OR51B5: variants seen among roughly 807,000 people sequenced by gnomAD.
OR51B5 encodes olfactory receptor 51B5.
For synonymous variants in OR51B5, 186 were observed against 144.8 expected (o/e 1.28, Z -2.04); for missense variants, 456 against 374.6 (o/e 1.22, Z -1.79).
chr11:5,466,204 T>C (rs1851136832), intron 1 of OR51B5, among the ~76,000 whole-genome samples: 1 of 152,242 alleles, frequency 6.6e-6, no homozygotes, highest in South Asian at 2.1e-4. Context: ...ATTACCAGTT[T>C]GAACAAATAT....
chr11:5,490,373 G>A (rs757297946), intron 1 of OR51B5, among the ~76,000 whole-genome samples: 4 of 152,100 alleles, frequency 2.6e-5, no homozygotes, highest in Non-Finnish European at 4.4e-5. Flanking sequence ...GGGTTATTGT[G>A]ATAACAATTC....
chr11:5,478,562 T>C (rs1018336993), intron 1 of OR51B5, among the ~76,000 whole-genome samples: 3 of 150,396 alleles, frequency 2.0e-5, no homozygotes, highest in Middle Eastern at 3.4e-3. Context: ...CAAATTACTC[T>C]GAGCTACGGG....
At chr11:5,431,074 G>A (rs1002340338) in intron 1 of OR51B5, 1 of 448,996 alleles carries the variant, frequency 2.2e-6, no homozygotes, top group South Asian at 1.6e-5. Flanking sequence ...GTAGGAGTGT[G>A]AGAGGACATT....
intron 1 of OR51B5, chr11:5,354,996 G>A: frequency 6.2e-6 from 1 of 161,352 alleles, no homozygotes; most frequent in Non-Finnish European, 1.4e-5. Flanking sequence ...AAGGTGATGT[G>A]CTCTGGGAGG....
intron 1 of OR51B5, among the ~76,000 whole-genome samples, chr11:5,437,215 C>T (rs1201224758): frequency 1.3e-5 from 2 of 152,066 alleles, no homozygotes; most frequent in Non-Finnish European, 2.9e-5. Context: ...TAGCAACACC[C>T]CCCACAGTTA....
chr11:5,465,837 C>A (rs1261161173), intron 1 of OR51B5, among the ~76,000 whole-genome samples: 4 of 150,252 alleles, frequency 2.7e-5, no homozygotes, highest in African/African-American at 4.9e-5. Context: ...AAACGTTAGA[C>A]CTAAAACCAT....
chr11:5,365,187 G>A (rs78803409), intron 1 of OR51B5, among the ~76,000 whole-genome samples: 4,688 of 152,214 alleles, frequency 0.031, 238 homozygotes, highest in African/African-American at 0.11. Flanking sequence ...AGAGTGTAGG[G>A]CTGGCAACTG....
At chr11:5,486,787 C>T (rs1851505582) in intron 1 of OR51B5, among the ~76,000 whole-genome samples, 2 of 152,120 alleles carry the variant, frequency 1.3e-5, no homozygotes, top group South Asian at 4.1e-4. Context: ...TCTTTTGTCT[C>T]ATAACTTCCT....
At chr11:5,462,921 T>C (rs1851080745) in intron 1 of OR51B5, among the ~76,000 whole-genome samples, 1 of 152,190 alleles carries the variant, frequency 6.6e-6, no homozygotes. Flanking sequence ...TGAATTCTCA[T>C]CTTCCTAACA....
chr11:5,396,758 C>A (rs978072727), intron 1 of OR51B5, among the ~76,000 whole-genome samples: 2 of 151,840 alleles, frequency 1.3e-5, no homozygotes, highest in Non-Finnish European at 2.9e-5. Flanking sequence ...CAATCCTAAG[C>A]CAAAAGAACA....
At chr11:5,349,122 G>A (rs1012446692) in intron 1 of OR51B5, among the ~76,000 whole-genome samples, 9 of 152,126 alleles carry the variant, frequency 5.9e-5, no homozygotes, top group African/African-American at 1.9e-4. Flanking sequence ...GGAAGAGGGT[G>A]AATGGCTGCA....
chr11:5,488,177 C>A (rs1358655686), intron 1 of OR51B5, among the ~76,000 whole-genome samples: 1 of 152,076 alleles, frequency 6.6e-6, no homozygotes. Context: ...AGTTCTAACC[C>A]AGCAGAATTT....
In OR51B5 at chr11:5,441,103, G is replaced by C. The variant is rs143805800; in HGVS notation, n.84+64466C>G. On this transcript the variant is annotated intron_variant and non_coding_transcript_variant, in intron 1 of 4. Coordinates refer to the OR51B5 transcript ENST00000415970. ...ATAGCCAATATACGGTTGTGAGTGA[G>C]CACAGTGACATAGCGTAATGGATAA... 7.5e-5 allele frequency: 121 copies of C among 1,613,992 alleles called. No homozygotes were observed. In the African/African-American group the frequency reaches 1.3e-3, roughly 18 times the overall value.
intron 1 of OR51B5, among the ~76,000 whole-genome samples, chr11:5,395,467 T>C (rs974471254): frequency 6.6e-6 from 1 of 152,110 alleles, no homozygotes; most frequent in African/African-American, 2.4e-5. Context: ...AGATGGCCAA[T>C]CTGTTGTTAG....
upstream of OR51B5, among the ~76,000 whole-genome samples, chr11:5,344,440 G>A (rs1848959043): frequency 6.6e-6 from 1 of 151,922 alleles, no homozygotes; most frequent in African/African-American, 2.4e-5. Context: ...CCATCTTCCT[G>A]GTTTCCTTCC....
At chr11:5,396,690 T>C (rs1309248543) in intron 1 of OR51B5, among the ~76,000 whole-genome samples, 1 of 151,800 alleles carries the variant, frequency 6.6e-6, no homozygotes, top group Admixed American at 6.6e-5. Flanking sequence ...CTTCACAGAA[T>C]TGGAAAAAAC....
intron 1 of OR51B5, among the ~76,000 whole-genome samples, chr11:5,437,999 G>A (rs966513974): frequency 2.0e-5 from 3 of 151,816 alleles, no homozygotes; most frequent in African/African-American, 7.3e-5. Context: ...AGTGGCAGAA[G>A]AACACCTTCT....
chr11:5,480,737 G>A (rs1340920146), intron 1 of OR51B5, among the ~76,000 whole-genome samples: 1 of 150,076 alleles, frequency 6.7e-6, no homozygotes, highest in African/African-American at 2.4e-5. Context: ...CACCTCTATG[G>A]AAATAAACTA....
At chr11:5,468,100 T>G (rs1232120255) in intron 1 of OR51B5, among the ~76,000 whole-genome samples, 3 of 152,236 alleles carry the variant, frequency 2.0e-5, no homozygotes, top group Admixed American at 1.3e-4. Flanking sequence ...ATATTCTGGG[T>G]TGATATGATC....
Sources: gnomAD v4.1 joint callset for allele counts (sites outside exome capture counted in the v4.1 genomes callset) on GRCh38, gnomAD v4.1.1 for gene constraint, MANE v1.5 for transcripts, NCBI Gene and HGNC (gene_info 2026-07-23, HGNC 2026-07-21) for gene names.